The following RGL1 variants were observed in gnomAD, a reference collection of about 807,000 sequenced individuals.
RGL1 encodes ral guanine nucleotide dissociation stimulator-like 1.
In RGL1, 24 loss-of-function variants were observed where a neutral mutation model predicts 95.2. That is an observed-to-expected ratio of 0.25 (90% CI 0.18 to 0.35). RGL1 has a LOEUF of 0.35. Among genes scored for constraint, RGL1 ranks in the 10% least tolerant of loss-of-function variants. The pLI, the probability that RGL1 is intolerant of heterozygous loss-of-function variation, is 1.00. For synonymous variants in RGL1, 329 were observed against 344.9 expected (o/e 0.95, Z 0.51); for missense variants, 715 against 936.3 (o/e 0.76, Z 3.08).
intron 2 of RGL1, among the ~76,000 whole-genome samples, chr1:183,759,178 A>G (rs2102302242): frequency 6.6e-6 from 1 of 152,300 alleles, no homozygotes; most frequent in Admixed American, 6.5e-5. Flanking sequence ...TCCTAGAGAG[A>G]GGAGATATTC....
At chr1:183,793,930 C>T (rs1660561284) in intron 2 of RGL1, among the ~76,000 whole-genome samples, 1 of 151,382 alleles carries the variant, frequency 6.6e-6, no homozygotes, top group Admixed American at 6.6e-5. Flanking sequence ...ATCAGTATAT[C>T]AAAGGAAATT....
intron 11 of RGL1, among the ~76,000 whole-genome samples, chr1:183,902,295 G>A (rs1198054964): frequency 6.6e-6 from 1 of 152,206 alleles, no homozygotes; most frequent in East Asian, 1.9e-4. Context: ...TTCTGCAAGT[G>A]TCTTTGGATC....
chr1:183,805,245 C>G lies in RGL1; in HGVS notation c.-53C>G. On this transcript the variant is annotated 5_prime_UTR_variant, in exon 1 of 18. Coordinates refer to ENST00000360851, the MANE Select transcript of RGL1 (RefSeq NM_001297671.3). ...CTGAGCCCAGCAGACATTGCGTTGG[C>G]CTCCGAGCAGGGCGCATCATGCAGC... 1 of 1,603,368 alleles carries G rather than the reference C, an allele frequency of 6.2e-7. No homozygotes were observed. The highest frequency in any genetic ancestry group is 8.5e-7 in the Non-Finnish European group (1 of 1,175,504).
intron 1 of RGL1, among the ~76,000 whole-genome samples, chr1:183,650,235 T>C (rs1650621546): frequency 6.6e-6 from 1 of 151,780 alleles, no homozygotes; most frequent in Non-Finnish European, 1.5e-5. Flanking sequence ...CCATGAGCAT[T>C]TTCCCATGTT....
At chr1:183,777,059 T>C (rs575237543) in intron 2 of RGL1, among the ~76,000 whole-genome samples, 109 of 152,340 alleles carry the variant, frequency 7.2e-4, no homozygotes, top group African/African-American at 2.4e-3. Context: ...TAAGGACTTT[T>C]ATAGATGGAT....
chr1:183,827,183 A>T (rs921423288), intron 2 of RGL1, among the ~76,000 whole-genome samples: 2 of 152,186 alleles, frequency 1.3e-5, no homozygotes, highest in African/African-American at 2.4e-5. Flanking sequence ...TCCACCTCCC[A>T]AAGTGTTGGG....
intron 2 of RGL1, among the ~76,000 whole-genome samples, chr1:183,794,868 G>A (rs1660618324): frequency 1.3e-5 from 2 of 152,218 alleles, no homozygotes; most frequent in Non-Finnish European, 2.9e-5. Flanking sequence ...GGGCTACATT[G>A]TTAGTCTGCC....
At chr1:183,911,830 C>T (rs72733470) in intron 14 of RGL1, among the ~76,000 whole-genome samples, 9,776 of 152,076 alleles carry the variant, frequency 0.064, 460 homozygotes, top group Non-Finnish European at 0.1. Context: ...ATGTAGAGGA[C>T]CATTGACCTA....
At chr1:183,877,003 T>A (rs907905257) in intron 4 of RGL1, among the ~76,000 whole-genome samples, 1 of 152,230 alleles carries the variant, frequency 6.6e-6, no homozygotes. Flanking sequence ...TCATTTGAAA[T>A]CACAACTGAT....
At chr1:183,865,094 C>T (rs1322642739) in intron 3 of RGL1, among the ~76,000 whole-genome samples, 1 of 152,118 alleles carries the variant, frequency 6.6e-6, no homozygotes, top group Non-Finnish European at 1.5e-5. Flanking sequence ...AAGAAATAGT[C>T]TAGGCATTAT....
At chr1:183,648,169 C>T in intron 1 of RGL1, 1 of 1,614,218 alleles carries the variant, frequency 6.2e-7, no homozygotes, top group Non-Finnish European at 8.5e-7. Context: ...GATCCTGAGA[C>T]ACCACTTATA....
chr1:183,771,545 G>A (rs952500770), intron 2 of RGL1, among the ~76,000 whole-genome samples: 3 of 152,200 alleles, frequency 2.0e-5, no homozygotes, highest in South Asian at 4.1e-4. Flanking sequence ...AGGGGATGGG[G>A]TAAGAACTTA....
intron 3 of RGL1, among the ~76,000 whole-genome samples, chr1:183,855,261 C>T (rs543974039): frequency 2.6e-5 from 4 of 152,230 alleles, no homozygotes; most frequent in South Asian, 2.1e-4. Flanking sequence ...GCTGAATGTG[C>T]GTTTTTAATG....
rs779679599 is a variant in RGL1, at chr1:183,769,010, A to G, written c.132+26721A>G. Among the ~76,000 whole-genome samples, 129 of 152,358 alleles carry G rather than the reference A, an allele frequency of 8.5e-4. 1 individual carries two copies. Among genetic ancestry groups the G allele is most frequent in the Middle Eastern group, 3.4e-3 (1 of 294 alleles). On this transcript the variant is annotated intron_variant, in intron 2 of 18. Coordinates refer to the RGL1 transcript ENST00000304685. ...TAATTGGGAATTACCTAGACATCTAATGAACATCAAAAATGATTTTAAGAT... is the reference window on the plus strand; with the variant it reads ...TAATTGGGAATTACCTAGACATCTAGTGAACATCAAAAATGATTTTAAGAT...
At chr1:183,683,659 C>T (rs577356388) in intron 1 of RGL1, among the ~76,000 whole-genome samples, 2 of 152,230 alleles carry the variant, frequency 1.3e-5, no homozygotes, top group African/African-American at 4.8e-5. Context: ...TTGCTCTTCT[C>T]GAGGAGTGTC....
intron 1 of RGL1, among the ~76,000 whole-genome samples, chr1:183,697,176 C>T (rs1033004169): frequency 5.9e-5 from 9 of 152,090 alleles, no homozygotes; most frequent in Admixed American, 2.0e-4. Context: ...GGCACTTTCC[C>T]CTGCTCCCGC....
intron 2 of RGL1, among the ~76,000 whole-genome samples, chr1:183,845,461 T>G (rs1320652852): frequency 6.6e-6 from 1 of 152,276 alleles, no homozygotes; most frequent in African/African-American, 2.4e-5. Flanking sequence ...TTATGTATTA[T>G]GGTTTATATC....
intron 9 of RGL1, among the ~76,000 whole-genome samples, chr1:183,894,940 T>A (rs1667605688): frequency 6.6e-6 from 1 of 152,212 alleles, no homozygotes. Context: ...TTGTGATTTC[T>A]GAAACCTGGG....
At chr1:183,716,249 T>C (rs1438690620) in intron 1 of RGL1, among the ~76,000 whole-genome samples, 3 of 152,196 alleles carry the variant, frequency 2.0e-5, no homozygotes, top group African/African-American at 7.2e-5. Flanking sequence ...GGGGAAAAGG[T>C]GATATGCTAT....
Sources: allele counts gnomAD v4.1 joint callset (sites outside exome capture counted in the v4.1 genomes callset), GRCh38; gene constraint gnomAD v4.1.1; transcripts MANE v1.5; gene names NCBI Gene and HGNC (gene_info 2026-07-23, HGNC 2026-07-21).